The following HECW2 variants were observed in gnomAD, a reference collection of about 807,000 sequenced individuals.
The protein encoded by HECW2 is HECT, C2 and WW domain containing E3 ubiquitin protein ligase 2, also known as E3 ubiquitin-protein ligase HECW2.
Under a neutral mutation model 175.2 loss-of-function variants are expected in HECW2, and 61 were observed. The ratio of observed to expected loss-of-function variants is 0.35; its 90% CI spans 0.28 to 0.43. The LOEUF (loss-of-function observed/expected upper bound fraction) is 0.43, where lower values mean the gene tolerates loss of function less well. HECW2 is among the 20% of genes least tolerant of loss of function. The pLI, the probability that HECW2 is intolerant of heterozygous loss-of-function variation, is 1.00. For synonymous variants in HECW2, 671 were observed against 731.0 expected (o/e 0.92, Z 1.32); for missense variants, 1,524 against 2,000.5 (o/e 0.76, Z 4.54).
intron 1 of HECW2, among the ~76,000 whole-genome samples, chr2:196,558,981 T>C (rs564670089): frequency 6.6e-6 from 1 of 152,332 alleles, no homozygotes; most frequent in African/African-American, 2.4e-5. Context: ...ATTAGGCTCT[T>C]AATACATCAT....
intron 14 of HECW2, among the ~76,000 whole-genome samples, chr2:196,283,035 C>T (rs1400571876): frequency 2.6e-5 from 4 of 151,774 alleles, no homozygotes; most frequent in Non-Finnish European, 4.4e-5. Flanking sequence ...CCAAGGCAGG[C>T]GGATCATGAG....
chr2:196,453,472 A>G (rs1158332797), intron 1 of HECW2, among the ~76,000 whole-genome samples: 2 of 152,144 alleles, frequency 1.3e-5, no homozygotes, highest in Non-Finnish European at 2.9e-5. Flanking sequence ...TCTTCCTAAC[A>G]CTTAGGAAGG....
intron 10 of HECW2, among the ~76,000 whole-genome samples, chr2:196,313,788 G>A (rs899452027): frequency 6.6e-6 from 1 of 152,044 alleles, no homozygotes; most frequent in Non-Finnish European, 1.5e-5. Flanking sequence ...ACAGTGGCTC[G>A]CACCTATAAT....
intron 28 of HECW2, 74 bp from the exon 29 acceptor site, chr2:196,201,462 G>C: frequency 1.1e-6 from 1 of 907,938 alleles, no homozygotes; most frequent in Non-Finnish European, 1.8e-6. Flanking sequence ...GTGTGTGTGT[G>C]TGTGTGTCTG....
chr2:196,432,200 T>C (rs1012218441), intron 2 of HECW2, among the ~76,000 whole-genome samples: 2 of 151,980 alleles, frequency 1.3e-5, no homozygotes, highest in Non-Finnish European at 2.9e-5. Context: ...AGTACTGCCA[T>C]AAACAGATGG....
chr2:196,204,083 C>T (rs1686973123), intron 28 of HECW2, among the ~76,000 whole-genome samples: 1 of 152,130 alleles, frequency 6.6e-6, no homozygotes, highest in Non-Finnish European at 1.5e-5. Flanking sequence ...GTATATACCA[C>T]ATTTTCTTTA....
At chr2:196,535,971 T>A (rs758077270) in intron 1 of HECW2, among the ~76,000 whole-genome samples, 4 of 152,090 alleles carry the variant, frequency 2.6e-5, no homozygotes, top group Non-Finnish European at 5.9e-5. Flanking sequence ...TACAATCAGA[T>A]TGCTTTCCAC....
chr2:196,197,509 C>T lies in HECW2; in HGVS notation c.*3768G>A, dbSNP rs780296644. On this transcript the variant is annotated 3_prime_UTR_variant, in exon 29 of 29. Transcript: ENST00000644978. ...TTTGCCTTCTGTTTTTTAAATTTCT[C>T]ATGTCAAGTCATGAAATGCAAATAA... The T allele has an allele frequency of 6.6e-5, 10 of 151,992 alleles. No homozygotes were observed. Among genetic ancestry groups the T allele is most frequent in the Non-Finnish European group, 1.0e-4 (7 of 68,016 alleles). 9.4% of individuals were successfully genotyped at this position (151,992 alleles called of 1,614,324 possible).
rs115677180 is a variant in HECW2, at chr2:196,501,409, G to A, written c.-35-67951C>T. On this transcript the variant is annotated intron_variant, in intron 1 of 28. Transcript: ENST00000644978. ...TTTTGTATTTTTAGTAGAGACAGGCGTGGGAGTCTCTATAAAAATATAAGT... is the reference window on the plus strand; with the variant it reads ...TTTTGTATTTTTAGTAGAGACAGGCATGGGAGTCTCTATAAAAATATAAGT... Among the ~76,000 whole-genome samples, 1,295 of 152,166 alleles carry A rather than the reference G, an allele frequency of 8.5e-3. 21 individuals are homozygous for A. The highest frequency in any genetic ancestry group is 0.029 in the African/African-American group (1,185 of 41,528).
At chr2:196,246,836 C>T (rs966736967) in intron 19 of HECW2, among the ~76,000 whole-genome samples, 8 of 152,136 alleles carry the variant, frequency 5.3e-5, no homozygotes, top group Non-Finnish European at 7.3e-5. Flanking sequence ...AAAATTAGCT[C>T]TGATTCTGTT....
intron 19 of HECW2, among the ~76,000 whole-genome samples, chr2:196,248,576 T>TGAGAGA (rs60292936): frequency 5.0e-5 from 7 of 140,888 alleles, no homozygotes; most frequent in South Asian, 2.3e-4. Context: ...GAGGGACAGA[T>TGAGAGA]GAGAGAGAGA....
At chr2:196,565,785 A>C (rs527509202) in intron 1 of HECW2, among the ~76,000 whole-genome samples, 4 of 152,338 alleles carry the variant, frequency 2.6e-5, no homozygotes, top group African/African-American at 9.6e-5. Flanking sequence ...AAAATAATAA[A>C]GAATAATTGT....
chr2:196,453,698 T>C (rs1696415901), intron 1 of HECW2, among the ~76,000 whole-genome samples: 1 of 152,118 alleles, frequency 6.6e-6, no homozygotes, highest in South Asian at 2.1e-4. Flanking sequence ...TACCTAAAAG[T>C]CATGTTTTCA....
intron 1 of HECW2, among the ~76,000 whole-genome samples, chr2:196,450,400 A>G (rs1696310766): frequency 6.6e-6 from 1 of 152,188 alleles, no homozygotes; most frequent in Non-Finnish European, 1.5e-5. Context: ...TACCAGGAAT[A>G]TAACAGCAGA....
intron 1 of HECW2, among the ~76,000 whole-genome samples, chr2:196,577,699 C>T (rs1690610090): frequency 6.6e-6 from 1 of 152,048 alleles, no homozygotes; most frequent in South Asian, 2.1e-4. Flanking sequence ...GAAGGTATGC[C>T]CCCAACATGT....
chr2:196,501,123 GA>G (rs1415653068), intron 1 of HECW2, among the ~76,000 whole-genome samples: 2 of 152,052 alleles, frequency 1.3e-5, no homozygotes, highest in Non-Finnish European at 2.9e-5. Context: ...TCTTTTTTAT[GA>G]AAACCCTAAA....
chr2:196,555,440 AC>A (rs1689760932), intron 1 of HECW2, among the ~76,000 whole-genome samples: 1 of 152,192 alleles, frequency 6.6e-6, no homozygotes, highest in Non-Finnish European at 1.5e-5. Context: ...ACCTCCTAAT[AC>A]CATCACATTG....
chr2:196,376,515 G>C (rs1234783333), intron 2 of HECW2, among the ~76,000 whole-genome samples: 1 of 151,850 alleles, frequency 6.6e-6, no homozygotes, highest in Non-Finnish European at 1.5e-5. Flanking sequence ...TGTAATCCCA[G>C]CTACTCAGGA....
chr2:196,418,005 T>C (rs1695300311), intron 2 of HECW2, among the ~76,000 whole-genome samples: 1 of 152,236 alleles, frequency 6.6e-6, no homozygotes, highest in African/African-American at 2.4e-5. Context: ...AAATTCCCAG[T>C]TGGAAATTTC....
Sources: allele counts gnomAD v4.1 joint callset (sites outside exome capture counted in the v4.1 genomes callset), GRCh38; gene constraint gnomAD v4.1.1; transcripts MANE v1.5; gene names NCBI Gene and HGNC (gene_info 2026-07-23, HGNC 2026-07-21).